The following PIK3C2G variants were observed in gnomAD, a reference collection of about 807,000 sequenced individuals.
PIK3C2G encodes phosphatidylinositol 3-kinase C2 domain-containing subunit gamma.
PIK3C2G carries 168 observed loss-of-function variants against 181.1 expected under a neutral mutation model. The observed-to-expected ratio is 0.93, with a 90% CI of 0.82 to 1.05. PIK3C2G has a LOEUF of 1.05. Among genes scored for constraint, PIK3C2G ranks in the 50% least tolerant of loss-of-function variants. The probability of loss-of-function intolerance (pLI) is 0.00; values close to 1 mark genes in which losing one functional copy is unlikely to be tolerated. For missense variants in PIK3C2G, 1,869 were observed against 1,732.8 expected (o/e 1.08, Z -1.40); for synonymous variants, 573 against 592.2 (o/e 0.97, Z 0.47).
rs1026308330 is a variant in PIK3C2G at position 18,324,961 on chromosome 12, T to C, written c.1209-74T>C. ...GTATCATGGGCAAAACAATTTGTGA[T>C]AAATGTTTGTGCTAAAGGTAATATA... On this transcript the variant is annotated intron_variant, in intron 7 of 32. Transcript: ENST00000538779. 5.9e-5 allele frequency: 43 copies of C among 723,084 alleles called. No homozygotes were observed. In the African/African-American group the frequency reaches 7.7e-4, roughly 13 times the overall value. The allele number at this position is 723,084 out of a possible 1,614,324, so 44.8% of individuals were successfully genotyped here.
At chr12:18,393,803 G>C (rs1943693933) in intron 15 of PIK3C2G, among the ~76,000 whole-genome samples, 1 of 152,066 alleles carries the variant, frequency 6.6e-6, no homozygotes, top group Admixed American at 6.6e-5. Flanking sequence ...TCTATACCTG[G>C]GTCCTCCCAC....
At chr12:18,512,067 CTG>C (rs773459802) in intron 24 of PIK3C2G, among the ~76,000 whole-genome samples, 1 of 151,992 alleles carries the variant, frequency 6.6e-6, no homozygotes, top group Non-Finnish European at 1.5e-5. Context: ...TATTGAAAGA[CTG>C]TCTTCTTTCC....
At chr12:18,586,530 A>G (rs1349497445) in intron 29 of PIK3C2G, among the ~76,000 whole-genome samples, 4 of 152,172 alleles carry the variant, frequency 2.6e-5, no homozygotes, top group Non-Finnish European at 5.9e-5. Context: ...GAAGAAATTA[A>G]TTCCCTAAAC....
At chr12:18,690,614 A>G in the PIK3C2G span, among the ~76,000 whole-genome samples, 1 of 152,198 alleles carries the variant, frequency 6.6e-6, no homozygotes, top group Admixed American at 6.5e-5. Flanking sequence ...GATAAATGCC[A>G]TAATATATGC....
At chr12:18,726,290 A>G in the PIK3C2G span, among the ~76,000 whole-genome samples, 12 of 152,212 alleles carry the variant, frequency 7.9e-5, no homozygotes, top group Admixed American at 5.9e-4. Flanking sequence ...TTAAACATAC[A>G]ACATAAAATA....
chr12:18,693,373 A>C, the PIK3C2G span: 4 of 1,603,854 alleles, frequency 2.5e-6, no homozygotes, highest in South Asian at 3.3e-5. Context: ...GAAATTAAGG[A>C]ATCTGTGGAG....
the PIK3C2G span, among the ~76,000 whole-genome samples, chr12:18,694,335 G>A: frequency 6.6e-6 from 1 of 152,112 alleles, no homozygotes; most frequent in African/African-American, 2.4e-5. Flanking sequence ...AAACAAAAAA[G>A]CTCTCCCAAC....
In PIK3C2G at chr12:18,303,159, CTCTT is replaced by C. The variant is rs201638213; in HGVS notation, c.1034+9156_1034+9159del. On this transcript the variant is annotated intron_variant, in intron 5 of 32. Transcript: ENST00000538779. ...CTTTCTTTTCTTTTCTTTCTTCTTT[CTCTT>C]TCTTTCTTTCTCTTTCTCTCTCTTC... Among the ~76,000 whole-genome samples, 673 of 94,000 alleles carry C rather than the reference CTCTT, an allele frequency of 7.2e-3. 5 individuals are homozygous for C. The highest frequency in any genetic ancestry group is 0.024 in the African/African-American group (562 of 23,022). The allele number at this position is 94,000 out of a possible 152,430, so 61.7% of individuals were successfully genotyped here. A position where few individuals can be genotyped will look rare whatever the true frequency, so the allele number is the denominator to read the frequency against.
chr12:18,696,321 A>C, the PIK3C2G span: 1 of 301,296 alleles, frequency 3.3e-6, no homozygotes, highest in East Asian at 9.1e-5. Context: ...TTAAAAAGCC[A>C]CTATATATAT....
At chr12:18,525,563 C>T (rs1288376998) in intron 24 of PIK3C2G, among the ~76,000 whole-genome samples, 9 of 152,116 alleles carry the variant, frequency 5.9e-5, no homozygotes, top group Non-Finnish European at 1.3e-4. Context: ...CAGATACAAG[C>T]AGAGGTATGC....
intron 18 of PIK3C2G, chr12:18,425,003 G>A (rs974195490): frequency 1.7e-5 from 3 of 176,306 alleles, no homozygotes; most frequent in African/African-American, 7.1e-5. Flanking sequence ...GGAAGAGAAA[G>A]ATGAGGGGGA....
intron 3 of PIK3C2G, among the ~76,000 whole-genome samples, chr12:18,290,624 A>G (rs531677477): frequency 6.6e-6 from 1 of 152,320 alleles, no homozygotes; most frequent in African/African-American, 2.4e-5. Context: ...GCTCCTGGGA[A>G]AGCCTAAAGA....
At chr12:18,522,628 T>G (rs1942992161) in intron 24 of PIK3C2G, among the ~76,000 whole-genome samples, 1 of 152,052 alleles carries the variant, frequency 6.6e-6, no homozygotes, top group Admixed American at 6.5e-5. Context: ...GTCCATTGAA[T>G]GTGATATCTT....
chr12:18,545,664 T>C (rs1205104973), intron 25 of PIK3C2G, among the ~76,000 whole-genome samples: 1 of 151,904 alleles, frequency 6.6e-6, no homozygotes, highest in Non-Finnish European at 1.5e-5. Context: ...ATACAATTCA[T>C]CCTTAATTAT....
chr12:18,683,079 C>T, the PIK3C2G span: 3 of 683,336 alleles, frequency 4.4e-6, no homozygotes, highest in South Asian at 5.9e-5. Flanking sequence ...TCTTTTCTTC[C>T]ACTGATTTAT....
the PIK3C2G span, among the ~76,000 whole-genome samples, chr12:18,710,570 G>C: frequency 1.3e-5 from 2 of 152,094 alleles, no homozygotes; most frequent in African/African-American, 4.8e-5. Flanking sequence ...AATCACTCTG[G>C]TTGATATGTT....
the PIK3C2G span, among the ~76,000 whole-genome samples, chr12:18,680,687 C>A: frequency 6.6e-6 from 1 of 151,988 alleles, no homozygotes; most frequent in Admixed American, 6.6e-5. Context: ...CAAAGACAAC[C>A]AGGAACACAC....
At chr12:18,573,184 C>G (rs745409715) in intron 29 of PIK3C2G, among the ~76,000 whole-genome samples, 1 of 152,038 alleles carries the variant, frequency 6.6e-6, no homozygotes, top group South Asian at 2.1e-4. Context: ...AATTTACCAC[C>G]TAGGTTACTA....
the PIK3C2G span, among the ~76,000 whole-genome samples, chr12:18,659,190 T>G: frequency 6.6e-6 from 1 of 152,116 alleles, no homozygotes; most frequent in African/African-American, 2.4e-5. Flanking sequence ...TATATAAAGG[T>G]ACTCAAAAAC....
Sources: allele counts gnomAD v4.1 joint callset (sites outside exome capture counted in the v4.1 genomes callset), GRCh38; gene constraint gnomAD v4.1.1; transcripts MANE v1.5; gene names NCBI Gene and HGNC (gene_info 2026-07-23, HGNC 2026-07-21).